The following PRLR variants were observed in gnomAD, a reference collection of about 807,000 sequenced individuals.
PRLR encodes the protein prolactin receptor, also known as hPRL receptor.
Under a neutral mutation model 40.2 loss-of-function variants are expected in PRLR, and 13 were observed. The ratio of observed to expected loss-of-function variants is 0.32; its 90% CI spans 0.21 to 0.51. PRLR has a LOEUF of 0.51. Among genes scored for constraint, PRLR ranks in the 20% least tolerant of loss-of-function variants. The probability of loss-of-function intolerance (pLI) is 0.97; values close to 1 mark genes in which losing one functional copy is unlikely to be tolerated. For synonymous variants in PRLR, 269 were observed against 278.7 expected (o/e 0.97, Z 0.35); for missense variants, 656 against 747.3 (o/e 0.88, Z 1.42).
At chr5:35,100,902 C>G (rs777561904) in intron 2 of PRLR, among the ~76,000 whole-genome samples, 9 of 152,320 alleles carry the variant, frequency 5.9e-5, no homozygotes, top group Non-Finnish European at 1.3e-4. Context: ...AGCAAACTGT[C>G]ACATGGGTGA....
At chr5:35,102,157 T>G (rs1032645373) in intron 2 of PRLR, among the ~76,000 whole-genome samples, 1 of 152,022 alleles carries the variant, frequency 6.6e-6, no homozygotes, top group Non-Finnish European at 1.5e-5. Context: ...TGCACACTTC[T>G]AAAAATGAGG....
intron 1 of PRLR, among the ~76,000 whole-genome samples, chr5:35,160,361 A>G (rs1038410409): frequency 1.3e-5 from 2 of 152,232 alleles, no homozygotes; most frequent in African/African-American, 4.8e-5. Context: ...AAATTGTATC[A>G]GTGAGAAAAT....
intron 1 of PRLR, among the ~76,000 whole-genome samples, chr5:35,122,196 G>A (rs929399196): frequency 6.6e-6 from 1 of 152,066 alleles, no homozygotes; most frequent in Non-Finnish European, 1.5e-5. Context: ...CAGAACCACA[G>A]GTATAAACCT....
intron 2 of PRLR, among the ~76,000 whole-genome samples, chr5:35,097,986 T>C (rs1319849011): frequency 6.6e-6 from 1 of 152,190 alleles, no homozygotes; most frequent in Non-Finnish European, 1.5e-5. Flanking sequence ...TATTTAGAAC[T>C]TAGATAGAGG....
chr5:35,053,737 T>C (rs1446758471), downstream of PRLR, among the ~76,000 whole-genome samples: 2 of 152,220 alleles, frequency 1.3e-5, no homozygotes, highest in African/African-American at 2.4e-5. Flanking sequence ...AAGATGTAAC[T>C]TCTGGCATTA....
At chr5:35,083,102 C>CACACA (rs778847302) in intron 5 of PRLR, among the ~76,000 whole-genome samples, 2 of 147,800 alleles carry the variant, frequency 1.4e-5, no homozygotes, top group Non-Finnish European at 3.0e-5. Flanking sequence ...CACACACACA[C>CACACA]CACACTTATA....
chr5:35,120,627 G>A (rs1355323216), intron 1 of PRLR, among the ~76,000 whole-genome samples: 1 of 152,154 alleles, frequency 6.6e-6, no homozygotes, highest in African/African-American at 2.4e-5. Flanking sequence ...ATATACTTGA[G>A]TATTGTGTGT....
intron 1 of PRLR, among the ~76,000 whole-genome samples, chr5:35,118,516 C>T (rs1773152443): frequency 6.6e-6 from 1 of 152,104 alleles, no homozygotes; most frequent in Admixed American, 6.5e-5. Flanking sequence ...GACAATTCTC[C>T]TACATAAATG....
chr5:35,107,437 A>G (rs1335687232), intron 2 of PRLR, among the ~76,000 whole-genome samples: 1 of 152,186 alleles, frequency 6.6e-6, no homozygotes. Flanking sequence ...TGAATCTAGG[A>G]GCTGGTTTTC....
At chr5:35,085,132 T>A (rs1359449654) in intron 4 of PRLR, among the ~76,000 whole-genome samples, 1 of 152,218 alleles carries the variant, frequency 6.6e-6, no homozygotes, top group Non-Finnish European at 1.5e-5. Flanking sequence ...CATTTCAGAC[T>A]GCACCAAGTC....
intron 1 of PRLR, among the ~76,000 whole-genome samples, chr5:35,145,728 A>G (rs1245030419): frequency 6.6e-6 from 1 of 151,494 alleles, no homozygotes; most frequent in Non-Finnish European, 1.5e-5. Context: ...CAGGCCCTCA[A>G]CAAATGTTCA....
Position 35,068,305 on chromosome 5 carries a change from A to G in PRLR, c.786-20T>C, listed in dbSNP as rs773833745. The G allele has an allele frequency of 1.3e-6, 2 of 1,593,354 alleles. No homozygotes were observed. Among genetic ancestry groups the G allele is most frequent in the African/African-American group, 2.7e-5 (2 of 74,424 alleles). ...ACCATGCTATAAAATAATTCATGAG[A>G]TTGGCTAAATGACTCATTTCTGACT... On this transcript the variant is annotated intron_variant, in intron 8 of 9. Coordinates refer to ENST00000618457, the MANE Select transcript of PRLR (RefSeq NM_000949.7).
At chr5:35,079,941 G>T (rs1046479117) in intron 5 of PRLR, among the ~76,000 whole-genome samples, 3 of 152,162 alleles carry the variant, frequency 2.0e-5, no homozygotes, top group Non-Finnish European at 4.4e-5. Context: ...ATGGGGAAAG[G>T]ATTCCCTATT....
chr5:35,198,906 C>T (rs1049889719), intron 1 of PRLR, among the ~76,000 whole-genome samples: 2 of 152,150 alleles, frequency 1.3e-5, no homozygotes, highest in African/African-American at 4.8e-5. Context: ...TGAAACCCTC[C>T]CTACAGCCAG....
At chr5:35,184,809 A>C (rs1775382484) in intron 1 of PRLR, among the ~76,000 whole-genome samples, 2 of 152,244 alleles carry the variant, frequency 1.3e-5, no homozygotes, top group African/African-American at 4.8e-5. Context: ...CAAATAACAC[A>C]AGTATCCACA....
chr5:35,134,563 G>T (rs991892284), intron 1 of PRLR, among the ~76,000 whole-genome samples: 15 of 152,232 alleles, frequency 9.9e-5, no homozygotes, highest in Admixed American at 5.9e-4. Flanking sequence ...ATGCCAAAAT[G>T]CTGGTCTGTT....
intron 1 of PRLR, among the ~76,000 whole-genome samples, chr5:35,129,020 C>T (rs573867462): frequency 2.8e-4 from 43 of 152,222 alleles, no homozygotes; most frequent in African/African-American, 8.2e-4. Flanking sequence ...AGAGCAGGGA[C>T]TTCTGCCTCT....
rs765516912 is a variant in PRLR at position 35,086,264 on chromosome 5, C to A, written c.147G>T (p.Arg49Ser). The A allele has an allele frequency of 6.2e-7, 1 of 1,614,054 alleles. No individual in the cohort carries two copies. The highest frequency in any genetic ancestry group is 1.7e-5 in the Admixed American group (1 of 60,022). The change falls in exon 4 of 10, where the codon AGG (arginine) becomes AGT (serine). Residue 49 changes from arginine to serine, a missense_variant. By Grantham distance (110) the Arg-to-Ser change is moderately radical. Transcript: ENST00000618457. ...PNKETFTCWW[R>S]PGTDGGLPTN... Reference sequence around the variant, plus strand: ...TAGGAAGTCCTCCATCTGTCCCAGGCCTCCACCAGCAGGTGAATGTTTCCT... The same window carrying A: ...TAGGAAGTCCTCCATCTGTCCCAGGACTCCACCAGCAGGTGAATGTTTCCT...
chr5:35,204,637 A>G (rs974188556), intron 1 of PRLR, among the ~76,000 whole-genome samples: 1 of 152,322 alleles, frequency 6.6e-6, no homozygotes, highest in East Asian at 1.9e-4. Context: ...GAAAAAATAC[A>G]TTTGTGAGAA....
Sources: allele counts gnomAD v4.1 joint callset (sites outside exome capture counted in the v4.1 genomes callset), GRCh38; gene constraint gnomAD v4.1.1; transcripts MANE v1.5; gene names NCBI Gene and HGNC (gene_info 2026-07-23, HGNC 2026-07-21).